Variants in CREB5 observed in about 807,000 individuals in gnomAD.
CREB5 encodes cAMP responsive element binding protein 5.
Under a neutral mutation model 57.1 loss-of-function variants are expected in CREB5, and 19 were observed. The observed-to-expected ratio is 0.33, with a 90% CI of 0.23 to 0.49. The LOEUF (loss-of-function observed/expected upper bound fraction) is 0.49. Ranked by LOEUF, CREB5 falls within the 20% of genes least tolerant of loss-of-function variation. The pLI is 0.99. For synonymous variants in CREB5, 238 were observed against 238.3 expected, an observed-to-expected ratio of 1.00 and a Z score of 0.01; for missense variants, 579 against 671.6, an observed-to-expected ratio of 0.86 and a Z score of 1.52.
At chr7:28,454,189 G>A (rs578191257) in intron 1 of CREB5, among the ~76,000 whole-genome samples, 7 of 152,232 alleles carry the variant, frequency 4.6e-5, no homozygotes, top group Non-Finnish European at 8.8e-5. Context: ...TCCTGACCTC[G>A]TGGTCTGCCT....
chr7:28,552,847 A>C (rs765896877), intron 4 of CREB5, among the ~76,000 whole-genome samples: 1 of 152,210 alleles, frequency 6.6e-6, no homozygotes, highest in South Asian at 2.1e-4. Context: ...GGTAGGCATG[A>C]TCCTGGAAAT....
At chr7:28,781,708 G>T (rs1806983220) in intron 7 of CREB5, among the ~76,000 whole-genome samples, 1 of 152,004 alleles carries the variant, frequency 6.6e-6, no homozygotes, top group Admixed American at 6.6e-5. Context: ...CTTGCAAAGA[G>T]AAGCTATGAA....
intron 1 of CREB5, among the ~76,000 whole-genome samples, chr7:28,354,549 C>T (rs1254750592): frequency 6.6e-6 from 1 of 152,154 alleles, no homozygotes; most frequent in Non-Finnish European, 1.5e-5. Flanking sequence ...AAACTCCCCT[C>T]TATATGTATC....
At chr7:28,530,670 C>T (rs1050088410) in intron 4 of CREB5, among the ~76,000 whole-genome samples, 7 of 152,182 alleles carry the variant, frequency 4.6e-5, no homozygotes, top group East Asian at 1.9e-4. Context: ...CCTGGCTTTT[C>T]GCCATAGTTA....
intron 5 of CREB5, among the ~76,000 whole-genome samples, chr7:28,604,161 C>T (rs777660556): frequency 7.9e-5 from 12 of 152,124 alleles, no homozygotes; most frequent in Non-Finnish European, 4.4e-5. Flanking sequence ...GTCACCACCA[C>T]AGGAAATGAG....
At chr7:28,548,029 T>C (rs1466799299) in intron 4 of CREB5, among the ~76,000 whole-genome samples, 1 of 152,210 alleles carries the variant, frequency 6.6e-6, no homozygotes, top group Non-Finnish European at 1.5e-5. Context: ...TCCTCAGTTA[T>C]ACACCAAAAG....
In CREB5 at chr7:28,560,893, TGTGCGTGCGC is replaced by T. The variant is rs1274174219; in HGVS notation, c.292-9470_292-9461del. Reference sequence around the variant, plus strand: ...GCGTGCGCGTGCGTGCGTGCGTGTGTGTGCGTGCGCGCGTGCGTGTGCGTGTGTGCGCGTG... The same window carrying T: ...GCGTGCGCGTGCGTGCGTGCGTGTGTGCGTGCGTGTGCGTGTGTGCGCGTG... On this transcript the variant is annotated intron_variant, in intron 4 of 10. Transcript: ENST00000357727. Among the ~76,000 whole-genome samples the T allele has an allele frequency of 4.5e-3, 91 of 20,438 alleles. 3 individuals are homozygous for T. The highest frequency in any genetic ancestry group is 0.017 in the African/African-American group (87 of 5,198). The allele number at this position is 20,438 out of a possible 152,430, so 13.4% of individuals were successfully genotyped here.
chr7:28,434,002 C>T (rs973424634), intron 1 of CREB5, among the ~76,000 whole-genome samples: 7 of 151,994 alleles, frequency 4.6e-5, no homozygotes, highest in Non-Finnish European at 8.8e-5. Flanking sequence ...CCTATGAGAC[C>T]TCTAGAGGGT....
chr7:28,352,362 G>A (rs78877544), intron 1 of CREB5, among the ~76,000 whole-genome samples: 4,076 of 152,258 alleles, frequency 0.027, 104 homozygotes, highest in Admixed American at 0.058. Context: ...CCTGCACTGC[G>A]CACCTCTGCT....
intron 4 of CREB5, among the ~76,000 whole-genome samples, chr7:28,562,923 A>G (rs1198293563): frequency 6.6e-6 from 1 of 152,318 alleles, no homozygotes; most frequent in East Asian, 1.9e-4. Context: ...TATTTGTACC[A>G]CAAGACTTAG....
At chr7:28,592,468 T>C (rs1796553873) in intron 5 of CREB5, among the ~76,000 whole-genome samples, 2 of 152,078 alleles carry the variant, frequency 1.3e-5, no homozygotes, top group South Asian at 2.1e-4. Context: ...ACTTAGAAGG[T>C]GTATTTAAAT....
intron 1 of CREB5, among the ~76,000 whole-genome samples, chr7:28,341,028 A>G (rs1328742935): frequency 6.6e-6 from 1 of 152,088 alleles, no homozygotes; most frequent in African/African-American, 2.4e-5. Context: ...TGGCAATTGA[A>G]GACTGTATTT....
chr7:28,744,340 CTTTTTTTTTT>C (rs753167682), intron 7 of CREB5, among the ~76,000 whole-genome samples: 2 of 88,786 alleles, frequency 2.3e-5, no homozygotes, highest in Non-Finnish European at 4.3e-5. Flanking sequence ...TTTAGTACCT[CTTTTTTTTTT>C]TTTTTTTTTT....
intron 5 of CREB5, among the ~76,000 whole-genome samples, chr7:28,637,477 G>T (rs1417503131): frequency 6.6e-6 from 1 of 152,172 alleles, no homozygotes; most frequent in Admixed American, 6.6e-5. Context: ...TGTGATGACT[G>T]TCAATGTGAA....
At chr7:28,781,116 C>T (rs1423980465) in intron 7 of CREB5, among the ~76,000 whole-genome samples, 1 of 152,124 alleles carries the variant, frequency 6.6e-6, no homozygotes, top group Non-Finnish European at 1.5e-5. Flanking sequence ...ATATTAGAGC[C>T]CAGACTGTAG....
chr7:28,363,316 G>T (rs138653217), intron 1 of CREB5, among the ~76,000 whole-genome samples: 1 of 151,888 alleles, frequency 6.6e-6, no homozygotes. Flanking sequence ...TCCTTTGATC[G>T]GGCTAAATGC....
chr7:28,552,858 G>GT (rs1562792134), intron 4 of CREB5, among the ~76,000 whole-genome samples: 1 of 152,192 alleles, frequency 6.6e-6, no homozygotes, highest in Admixed American at 6.5e-5. Context: ...TCCTGGAAAT[G>GT]TTTCTTACAC....
chr7:28,505,648 G>T (rs551484180), intron 3 of CREB5, among the ~76,000 whole-genome samples: 1 of 152,252 alleles, frequency 6.6e-6, no homozygotes, highest in East Asian at 1.9e-4. Flanking sequence ...GATCAAAAAG[G>T]GATAGTGTCT....
intron 4 of CREB5, among the ~76,000 whole-genome samples, chr7:28,560,946 G>GCA (rs1795205900): frequency 2.4e-5 from 1 of 41,474 alleles, no homozygotes; most frequent in Admixed American, 3.1e-4. Flanking sequence ...GCGTGCGTGT[G>GCA]TGTGCGTGTG....
Sources: gnomAD v4.1 joint callset for allele counts (sites outside exome capture counted in the v4.1 genomes callset) on GRCh38, gnomAD v4.1.1 for gene constraint, MANE v1.5 for transcripts, NCBI Gene and HGNC (gene_info 2026-07-23, HGNC 2026-07-21) for gene names.